EBF3: variants seen among roughly 807,000 people sequenced by gnomAD.
EBF3 encodes transcription factor COE3.
Under a neutral mutation model 77.1 loss-of-function variants are expected in EBF3, and 18 were observed. The ratio of observed to expected loss-of-function variants is 0.23; its 90% CI spans 0.16 to 0.35. EBF3 has a LOEUF of 0.35. Ranked by LOEUF, EBF3 falls within the 10% of genes least tolerant of loss-of-function variation. EBF3 has a pLI of 1.00. For synonymous variants in EBF3, 350 were observed against 343.5 expected (o/e 1.02, Z -0.21); for missense variants, 558 against 860.0 (o/e 0.65, Z 4.39).
intron 10 of EBF3, among the ~76,000 whole-genome samples, chr10:129,858,239 CT>C (rs1461876385): frequency 1.3e-5 from 2 of 152,230 alleles, no homozygotes; most frequent in Non-Finnish European, 2.9e-5. Flanking sequence ...ACACGTTTCT[CT>C]CCCTTACAGG....
intron 6 of EBF3, among the ~76,000 whole-genome samples, chr10:129,894,205 T>C (rs1350052760): frequency 6.6e-6 from 1 of 152,258 alleles, no homozygotes; most frequent in Admixed American, 6.5e-5. Flanking sequence ...CGCAGAACTT[T>C]AGATGTTTAA....
At position 129,848,545 on chromosome 10, in the gene EBF3, T is replaced by A. The variant is rs1271467994; in HGVS notation, c.1040-65A>T. On this transcript the variant is annotated intron_variant, in intron 10 of 16. Coordinates refer to ENST00000440978, the MANE Select transcript of EBF3 (RefSeq NM_001375380.1). The surrounding 1 kb of genome is among the most constrained non-coding windows in gnomAD (Gnocchi z 4.4). ...TTTATGTCATCCATTACTCGTTTATTGCACACTTACAAATAAATGTGTAGT... is the reference window on the plus strand; with the variant it reads ...TTTATGTCATCCATTACTCGTTTATAGCACACTTACAAATAAATGTGTAGT... The A allele has an allele frequency of 6.5e-7, 1 of 1,530,158 alleles. No homozygotes were observed. Among genetic ancestry groups the A allele is most frequent in the Non-Finnish European group, 9.1e-7 (1 of 1,103,710 alleles). 94.8% of individuals were successfully genotyped at this position (1,530,158 alleles called of 1,614,324 possible).
At chr10:129,923,393 T>C (rs1856444758) in intron 6 of EBF3, among the ~76,000 whole-genome samples, 1 of 152,124 alleles carries the variant, frequency 6.6e-6, no homozygotes. Flanking sequence ...CAAACCTTAC[T>C]ACAAAGCTAC....
chr10:129,942,670 CCACGAT>C (rs996184160), intron 6 of EBF3, among the ~76,000 whole-genome samples: 1 of 152,220 alleles, frequency 6.6e-6, no homozygotes, highest in African/African-American at 2.4e-5. Flanking sequence ...TTTACGCATG[CCACGAT>C]CACATTTATT....
rs542579107 is a variant in EBF3 at position 129,836,496 on chromosome 10, G to A, written c.*1447C>T. On this transcript the variant is annotated 3_prime_UTR_variant, in exon 17 of 17. Transcript: ENST00000440978. ...GGATTTGTCACGGCCGGGTGGCACC[G>A]ATTTGTTTTGACTATACAACAAACT... 4.1e-4 allele frequency: 62 copies of A among 152,322 alleles called. No individual in the cohort carries two copies. The highest frequency in any genetic ancestry group is 1.1e-3 in the African/African-American group (45 of 41,430). The allele number at this position is 152,322 out of a possible 1,614,324, so 9.4% of individuals were successfully genotyped here. A position where few individuals can be genotyped will look rare whatever the true frequency, so the allele number is the denominator to read the frequency against.
Position 129,837,791 on chromosome 10 carries a change from C to A in EBF3, c.*152G>T. 1 of 974,556 alleles carries A rather than the reference C, an allele frequency of 1.0e-6. No homozygotes were observed. The highest frequency in any genetic ancestry group is 1.5e-6 in the Non-Finnish European group (1 of 650,888). 60.4% of individuals were successfully genotyped at this position (974,556 alleles called of 1,614,324 possible). A position where few individuals can be genotyped will look rare whatever the true frequency, so the allele number is the denominator to read the frequency against. On this transcript the variant is annotated 3_prime_UTR_variant, in exon 17 of 17. Transcript: ENST00000440978. ...TAATAGTTTAAATAAAATCTTTAAA[C>A]AAAGTCTTTTGTAGCATTTCAATTG...
chr10:129,904,369 T>C (rs1243360378), intron 6 of EBF3, among the ~76,000 whole-genome samples: 2 of 152,220 alleles, frequency 1.3e-5, no homozygotes, highest in Non-Finnish European at 2.9e-5. Context: ...GCCAAACATA[T>C]TAAGGGATAC....
At chr10:129,950,437 CTAAAA>C (rs923805809) in intron 6 of EBF3, among the ~76,000 whole-genome samples, 4 of 152,166 alleles carry the variant, frequency 2.6e-5, no homozygotes, top group African/African-American at 7.2e-5. Flanking sequence ...TCAAAAACAA[CTAAAA>C]TAAGAGTTTC....
At position 129,868,493 on chromosome 10, in the gene EBF3, C is replaced by T. The variant is rs577456064; in HGVS notation, c.782-581G>A. Among the ~76,000 whole-genome samples the T allele has an allele frequency of 2.0e-5, 3 of 152,322 alleles. No homozygotes were observed. In the South Asian group the frequency reaches 6.2e-4, roughly 32 times the overall value. On this transcript the variant is annotated intron_variant, in intron 8 of 16. Coordinates refer to ENST00000440978, the MANE Select transcript of EBF3 (RefSeq NM_001375380.1). ...ACATTTTACATCTAATATTGTTTGT[C>T]GACAGGGATCCCCGCGCCGCTGGCG...
intron 10 of EBF3, among the ~76,000 whole-genome samples, chr10:129,857,442 C>G (rs990975366): frequency 2.0e-5 from 3 of 152,160 alleles, no homozygotes; most frequent in Admixed American, 6.5e-5. Flanking sequence ...GCCTGGAACT[C>G]CTCAACGCCT....
At chr10:129,880,510 C>T (rs552594583) in intron 6 of EBF3, among the ~76,000 whole-genome samples, 2 of 152,024 alleles carry the variant, frequency 1.3e-5, no homozygotes, top group South Asian at 4.1e-4. Context: ...TACATATGCA[C>T]ACACACACAT....
At chr10:129,959,382 C>T (rs1004331752) in intron 4 of EBF3, among the ~76,000 whole-genome samples, 20 of 152,008 alleles carry the variant, frequency 1.3e-4, no homozygotes, top group Admixed American at 3.9e-4. Context: ...CGGGCCCCTT[C>T]GGCATTCCGC....
chr10:129,858,224 C>G (rs577147483), intron 10 of EBF3, among the ~76,000 whole-genome samples: 4 of 152,304 alleles, frequency 2.6e-5, no homozygotes, highest in Non-Finnish European at 4.4e-5. Flanking sequence ...TGGTGTCTGC[C>G]GGTGACACGT....
rs1850145277 is a variant in EBF3, at chr10:129,842,503, C to T, written c.1195-210G>A. On this transcript the variant is annotated intron_variant, in intron 12 of 16. Transcript: ENST00000440978. This position sits in a 1 kb window ranked among gnomAD's most constrained non-coding sequence, Gnocchi z 4.4. ...ATCTGGCTGGGCACGGTGGCTCACTCCTGTAATCCCAGCATTTTGGGAGGT... is the reference window on the plus strand; with the variant it reads ...ATCTGGCTGGGCACGGTGGCTCACTTCTGTAATCCCAGCATTTTGGGAGGT... 6.6e-6 allele frequency among the ~76,000 whole-genome samples: 1 copy of T among 152,166 alleles called. No homozygotes were observed. Among genetic ancestry groups the T allele is most frequent in the African/African-American group, 2.4e-5 (1 of 41,432 alleles).
At chr10:129,918,484 G>A (rs1426573853) in intron 6 of EBF3, among the ~76,000 whole-genome samples, 1 of 152,208 alleles carries the variant, frequency 6.6e-6, no homozygotes, top group African/African-American at 2.4e-5. Flanking sequence ...AGAGGATCGG[G>A]GAGCGTTGAG....
chr10:129,884,735 C>T (rs1179595026), intron 6 of EBF3, among the ~76,000 whole-genome samples: 1 of 152,150 alleles, frequency 6.6e-6, no homozygotes, highest in African/African-American at 2.4e-5. Context: ...GTGCATGCTC[C>T]CCGAGCACAC....
chr10:129,838,471 T>A (rs1849765412), intron 16 of EBF3, among the ~76,000 whole-genome samples: 1 of 152,172 alleles, frequency 6.6e-6, no homozygotes, highest in Non-Finnish European at 1.5e-5. Context: ...CGTGCGGTCA[T>A]CTCTCTGTAT....
rs769042319 is a variant in EBF3, at chr10:129,840,827, C to CA, written c.1561+16dup. On this transcript the variant is annotated intron_variant, in intron 14 of 16. Transcript: ENST00000440978. ...TATGAATCTGCGTGATGACGTGTGA[C>CA]AAAAACAGACACTTACTGCCGTAGG... 8.7e-6 allele frequency: 14 copies of CA among 1,606,546 alleles called. No homozygotes were observed. The highest frequency in any genetic ancestry group is 2.2e-5 in the South Asian group (2 of 90,378).
rs150635109 is a variant in EBF3, at chr10:129,956,459, G to A, written c.554+799C>T. Reference sequence around the variant, plus strand: ...AGAAAGAAATCCTCCTCTCCTGCACGGCACCGAAACCCAGCGAGTTGGGAG... The same window carrying A: ...AGAAAGAAATCCTCCTCTCCTGCACAGCACCGAAACCCAGCGAGTTGGGAG... On this transcript the variant is annotated intron_variant, in intron 6 of 16. Coordinates refer to ENST00000440978, the MANE Select transcript of EBF3 (RefSeq NM_001375380.1). Among the ~76,000 whole-genome samples, 672 of 152,268 alleles carry A rather than the reference G, an allele frequency of 4.4e-3. 5 individuals are homozygous for A. The highest frequency in any genetic ancestry group is 0.015 in the African/African-American group (642 of 41,542).
Sources: allele counts gnomAD v4.1 joint callset (sites outside exome capture counted in the v4.1 genomes callset), GRCh38; gene constraint gnomAD v4.1.1; non-coding constraint Gnocchi (gnomAD v3.1); transcripts MANE v1.5; gene names NCBI Gene and HGNC (gene_info 2026-07-23, HGNC 2026-07-21).